Variants in CSF1R observed in about 807,000 individuals in gnomAD.
The protein encoded by CSF1R is macrophage colony-stimulating factor 1 receptor.
In CSF1R, 40 loss-of-function variants were observed where a neutral mutation model predicts 110.0. The ratio of observed to expected loss-of-function variants is 0.36; its 90% CI spans 0.28 to 0.47. The LOEUF is 0.47. Among genes scored for constraint, CSF1R ranks in the 20% least tolerant of loss-of-function variants. CSF1R has a pLI of 0.99. For synonymous variants in CSF1R, 523 were observed against 503.4 expected, an observed-to-expected ratio of 1.04 and a Z score of -0.52; for missense variants, 1,052 against 1,253.0, an observed-to-expected ratio of 0.84 and a Z score of 2.42.
Position 150,053,676 on chromosome 5 carries a change from C to A in CSF1R, c.*393G>T. On this transcript the variant is annotated 3_prime_UTR_variant, in exon 21 of 21. Transcript: ENST00000675795. Reference sequence around the variant, plus strand: ...GAGATCTCACTCTCTGCCAGTCTGTCTAGCCCCAAAGAGCCTGGTTTTCTC... The same window carrying A: ...GAGATCTCACTCTCTGCCAGTCTGTATAGCCCCAAAGAGCCTGGTTTTCTC... 1 of 338,104 alleles carries A rather than the reference C, an allele frequency of 3.0e-6. No individual in the cohort carries two copies. 20.9% of individuals were successfully genotyped at this position (338,104 alleles called of 1,614,324 possible). A position where few individuals can be genotyped will look rare whatever the true frequency, so the allele number is the denominator to read the frequency against.
chr5:150,080,274 G>A lies in CSF1R; in HGVS notation c.370C>T (p.Leu124=), dbSNP rs1286491930. The A allele has an allele frequency of 5.0e-6, 8 of 1,613,892 alleles. No individual in the cohort carries two copies. The Admixed American group carries it at 1.0e-4, about 20-fold the overall frequency. The change falls in exon 3 of 21, where the codon CTA becomes TTA. Residue 124 remains leucine (L), a synonymous_variant. Transcript: ENST00000675795. ...EVVVFEDQDA[L]LPCLLTDPVL... is the part of the protein sequence containing the mutation. ...GGGTCTGTGAGCAGACAGGGCAGTA[G>A]TGCGTCCTGGTCCTCGAACACGACC...
chr5:150,069,081 A>G (rs767592692), intron 9 of CSF1R, among the ~76,000 whole-genome samples: 2 of 152,234 alleles, frequency 1.3e-5, no homozygotes, highest in Non-Finnish European at 2.9e-5. Flanking sequence ...TGTTGGCTTT[A>G]TTATAATATA....
rs1020576547 is a variant in CSF1R at position 150,053,647 on chromosome 5, G to A, written c.*422C>T. The A allele has an allele frequency of 3.4e-5, 10 of 291,162 alleles. No individual in the cohort carries two copies. The highest frequency in any genetic ancestry group is 2.0e-4 in the African/African-American group (9 of 46,132). 18.0% of individuals were successfully genotyped at this position (291,162 alleles called of 1,614,324 possible). ...GTGAGCATCTGCTGCTCCTCTCAGA[G>A]AGGGAGATCTCACTCTCTGCCAGTC... On this transcript the variant is annotated 3_prime_UTR_variant, in exon 21 of 21. Transcript: ENST00000675795.
At chr5:150,076,737 C>T (rs531784299) in intron 5 of CSF1R, among the ~76,000 whole-genome samples, 29 of 152,342 alleles carry the variant, frequency 1.9e-4, no homozygotes, top group Non-Finnish European at 2.5e-4. Flanking sequence ...TCTATGTTCT[C>T]TTTGCCTTTG....
intron 1 of CSF1R, among the ~76,000 whole-genome samples, chr5:150,104,270 C>T (rs1478475215): frequency 6.6e-6 from 1 of 152,216 alleles, no homozygotes; most frequent in African/African-American, 2.4e-5. Flanking sequence ...GTATAACCAG[C>T]AAGAGGGGTG....
At chr5:150,075,681 G>C (rs533971992) in intron 5 of CSF1R, among the ~76,000 whole-genome samples, 1 of 152,340 alleles carries the variant, frequency 6.6e-6, no homozygotes, top group African/African-American at 2.4e-5. Context: ...GTCGGGGGTT[G>C]TTGTATCTGT....
At position 150,061,031 on chromosome 5, in the gene CSF1R, C is replaced by T. The variant is rs1003214265; in HGVS notation, c.1859-59G>A. The stretch of plus-strand genomic sequence containing the variant: ...AGAGGGCAGGACAGAGAGCACCACA[C>T]AGATACATGGGGACCAAATGCAGAG... On this transcript the variant is annotated intron_variant, in intron 12 of 20. Coordinates refer to ENST00000675795, the MANE Select transcript of CSF1R (RefSeq NM_001288705.3). The T allele has an allele frequency of 5.6e-6, 7 of 1,240,152 alleles. No individual in the cohort carries two copies. The African/African-American group carries it at 8.9e-5, about 16-fold the overall frequency. 76.8% of individuals were successfully genotyped at this position (1,240,152 alleles called of 1,614,324 possible).
At chr5:150,095,164 C>G (rs2113857004) in intron 1 of CSF1R, 1 of 623,978 alleles carries the variant, frequency 1.6e-6, no homozygotes, top group African/African-American at 2.2e-5. Context: ...TGAAACAAAA[C>G]TGATAGACCC....
chr5:150,081,549 T>C (rs1002597560), intron 1 of CSF1R, among the ~76,000 whole-genome samples: 2 of 152,164 alleles, frequency 1.3e-5, no homozygotes, highest in African/African-American at 2.4e-5. Context: ...CTCCCACCAA[T>C]GGACATCTGG....
intron 20 of CSF1R, 24 bp downstream of exon 20, chr5:150,054,298 C>CA (rs1183877127): frequency 6.2e-7 from 1 of 1,613,946 alleles, no homozygotes; most frequent in Non-Finnish European, 8.5e-7. Context: ...ACCGGCCACC[C>CA]ACCCCAAGCC....
intron 1 of CSF1R, among the ~76,000 whole-genome samples, chr5:150,101,242 C>G (rs1759394180): frequency 1.3e-5 from 2 of 152,194 alleles, no homozygotes; most frequent in African/African-American, 4.8e-5. Context: ...GCTAACATCA[C>G]TATGAGAAAG....
chr5:150,095,694 A>G (rs995531646), intron 1 of CSF1R, among the ~76,000 whole-genome samples: 2 of 151,978 alleles, frequency 1.3e-5, no homozygotes, highest in African/African-American at 4.8e-5. Flanking sequence ...ATCCAGAACA[A>G]AAGAGTTAGG....
At chr5:150,068,768 A>G (rs1757898372) in intron 9 of CSF1R, among the ~76,000 whole-genome samples, 1 of 152,136 alleles carries the variant, frequency 6.6e-6, no homozygotes. Flanking sequence ...GCTTCTCCAC[A>G]TGCCTTTGGA....
intron 5 of CSF1R, among the ~76,000 whole-genome samples, chr5:150,073,897 G>T (rs532813027): frequency 6.6e-6 from 1 of 152,104 alleles, no homozygotes; most frequent in African/African-American, 2.4e-5. Context: ...TAGTCAATGC[G>T]GCTTCCAAAT....
intron 2 of CSF1R, 33 bp downstream of exon 2, chr5:150,080,734 C>A (rs1280048504): frequency 1.9e-6 from 3 of 1,612,880 alleles, no homozygotes; most frequent in Non-Finnish European, 1.7e-6. Context: ...CCTGCCGGGT[C>A]AGGCCTCTTG....
At chr5:150,074,982 CCCTTTAT>C (rs1489449652) in intron 5 of CSF1R, among the ~76,000 whole-genome samples, 1 of 152,136 alleles carries the variant, frequency 6.6e-6, no homozygotes, top group Non-Finnish European at 1.5e-5. Flanking sequence ...TTATAGAGGC[CCCTTTAT>C]CCTTTAAGAT....
At chr5:150,092,725 A>G (rs1490391459) in intron 1 of CSF1R, among the ~76,000 whole-genome samples, 11 of 152,154 alleles carry the variant, frequency 7.2e-5, no homozygotes, top group Non-Finnish European at 1.5e-5. Flanking sequence ...TGATTCAATT[A>G]TCTCCACCTG....
chr5:150,106,929 G>A (rs1305432952), intron 1 of CSF1R, among the ~76,000 whole-genome samples: 2 of 152,210 alleles, frequency 1.3e-5, no homozygotes, highest in Non-Finnish European at 2.9e-5. Flanking sequence ...GCACAGTTAT[G>A]AGAGTGGTTA....
Position 150,057,370 on chromosome 5 carries a change from C to T in CSF1R, c.2236G>A (p.Asp746Asn). 1 of 1,614,044 alleles carries T rather than the reference C, an allele frequency of 6.2e-7. No individual in the cohort carries two copies. Among genetic ancestry groups the T allele is most frequent in the Non-Finnish European group, 8.5e-7 (1 of 1,179,960 alleles). ...TCCCGGAGCTCCAGGGGCCGTCCAT[C>T]CTCCTTGTCCAGGTCTAGGGTGGGA... The part of the protein sequence containing the change: ...SFSEQDLDKE[D>N]GRPLELRDLL... Residue 746 changes from aspartate to asparagine, a missense_variant, in exon 16 of 21, where the codon GAT becomes AAT. By Grantham distance (23) the Asp-to-Asn change is conservative. Transcript: ENST00000675795.
Sources: allele counts gnomAD v4.1 joint callset (sites outside exome capture counted in the v4.1 genomes callset), GRCh38; gene constraint gnomAD v4.1.1; transcripts MANE v1.5; gene names NCBI Gene and HGNC (gene_info 2026-07-23, HGNC 2026-07-21).